The following SGCZ variants were observed in gnomAD, a reference collection of about 807,000 sequenced individuals.
SGCZ encodes sarcoglycan zeta, also known as zeta-sarcoglycan.
In SGCZ, 40 loss-of-function variants were observed where a neutral mutation model predicts 41.3. The ratio of observed to expected loss-of-function variants is 0.97; its 90% CI spans 0.75 to 1.26. SGCZ has a LOEUF of 1.26. Ranked by LOEUF, SGCZ falls within the 50% of genes most tolerant of loss-of-function variation. The pLI is 0.00. For missense variants in SGCZ, 552 were observed against 369.8 expected (o/e 1.49, Z -4.04); for synonymous variants, 206 against 137.5 (o/e 1.50, Z -3.49).
At chr8:14,583,260 T>G (rs1804953449) in intron 1 of SGCZ, among the ~76,000 whole-genome samples, 2 of 151,558 alleles carry the variant, frequency 1.3e-5, no homozygotes, top group Admixed American at 1.3e-4. Flanking sequence ...TGATGGCCAG[T>G]GATGGTGAGC....
chr8:14,587,169 T>G (rs571806971), intron 1 of SGCZ, among the ~76,000 whole-genome samples: 10 of 152,148 alleles, frequency 6.6e-5, no homozygotes, highest in South Asian at 2.1e-4. Context: ...CATATAAAAT[T>G]TCCTCATTAC....
intron 1 of SGCZ, among the ~76,000 whole-genome samples, chr8:14,560,520 TC>T (rs1804176892): frequency 6.6e-6 from 1 of 152,012 alleles, no homozygotes; most frequent in Non-Finnish European, 1.5e-5. Flanking sequence ...TAGGAGACCT[TC>T]CCCTTGTAGA....
intron 1 of SGCZ, among the ~76,000 whole-genome samples, chr8:14,610,017 C>T (rs1010578580): frequency 1.2e-4 from 18 of 152,158 alleles, no homozygotes; most frequent in African/African-American, 4.3e-4. Context: ...GAGATTTCAA[C>T]TGCTACGATC....
intron 1 of SGCZ, among the ~76,000 whole-genome samples, chr8:14,610,587 C>T (rs1805895735): frequency 6.6e-6 from 1 of 152,090 alleles, no homozygotes; most frequent in South Asian, 2.1e-4. Context: ...TATCTGATGT[C>T]ATCTTAATTC....
At chr8:14,991,749 T>A (rs902894340) in intron 1 of SGCZ, among the ~76,000 whole-genome samples, 5 of 150,950 alleles carry the variant, frequency 3.3e-5, no homozygotes, top group African/African-American at 1.2e-4. Context: ...CTCTCACCCA[T>A]CCTCCTCATC....
intron 2 of SGCZ, among the ~76,000 whole-genome samples, chr8:14,549,272 T>A (rs1803727382): frequency 6.6e-6 from 1 of 152,074 alleles, no homozygotes; most frequent in Non-Finnish European, 1.5e-5. Flanking sequence ...AAAACTATCT[T>A]ACCAAAGTGC....
chr8:14,267,260 T>C (rs1284553249), intron 3 of SGCZ, among the ~76,000 whole-genome samples: 2 of 152,056 alleles, frequency 1.3e-5, no homozygotes, highest in Admixed American at 6.6e-5. Flanking sequence ...TGAACAAGTA[T>C]TATATGTCAT....
At chr8:14,488,731 C>T (rs968697476) in intron 2 of SGCZ, among the ~76,000 whole-genome samples, 11 of 139,216 alleles carry the variant, frequency 7.9e-5, no homozygotes, top group Admixed American at 2.2e-4. Context: ...AGACTTCCCT[C>T]GCTAATGCAA....
At chr8:15,034,182 G>A (rs1319757064) in intron 1 of SGCZ, among the ~76,000 whole-genome samples, 2 of 152,092 alleles carry the variant, frequency 1.3e-5, no homozygotes, top group Non-Finnish European at 2.9e-5. Flanking sequence ...AGGAAGATCA[G>A]TAAACTTCAA....
chr8:14,993,920 G>C (rs1802114443), intron 1 of SGCZ, among the ~76,000 whole-genome samples: 1 of 152,128 alleles, frequency 6.6e-6, no homozygotes, highest in African/African-American at 2.4e-5. Context: ...TTAATGGTAT[G>C]ACTCTAGCTG....
rs766815127 is a variant in SGCZ at position 14,090,522 on chromosome 8, G to C, written c.860C>G (p.Pro287Arg). The change falls in exon 8 of 8, where the codon CCC becomes CGC. Residue 287 changes from proline (P) to arginine (R), a missense_variant. Physicochemically the swap from Pro to Arg is moderately radical, Grantham distance 103. Transcript: ENST00000382080. The part of the protein sequence containing the change: ...RQTVYELCVC[P>R]NGKLYLSPAG... Reference sequence around the variant, plus strand: ...TGGAGAAAGGTAAAGTTTGCCATTGGGGCAGACGCAGAGTTCATACACTGT... The same window carrying C: ...TGGAGAAAGGTAAAGTTTGCCATTGCGGCAGACGCAGAGTTCATACACTGT... 1.2e-6 allele frequency: 2 copies of C among 1,612,926 alleles called. No individual in the cohort carries two copies. The highest frequency in any genetic ancestry group is 8.5e-7 in the Non-Finnish European group (1 of 1,179,404).
intron 1 of SGCZ, among the ~76,000 whole-genome samples, chr8:15,032,760 T>G (rs1803723282): frequency 6.6e-6 from 1 of 152,040 alleles, no homozygotes; most frequent in South Asian, 2.1e-4. Context: ...GCCCCAGACG[T>G]CAGGCCTGCC....
At position 14,431,567 on chromosome 8, in the gene SGCZ, G is replaced by T. The variant is rs551199645; in HGVS notation, c.235-107363C>A. 2.1e-3 allele frequency among the ~76,000 whole-genome samples: 322 copies of T among 152,258 alleles called. 1 individual carries two copies. Among genetic ancestry groups the T allele is most frequent in the Non-Finnish European group, 3.4e-3 (234 of 68,012 alleles). ...AGATGGATCAAGAACTTCCATCTAA[G>T]ACTTGAAACTATAAAAATTCTAAAA... is the stretch of plus-strand genomic sequence containing the variant. On this transcript the variant is annotated intron_variant, in intron 2 of 7. Coordinates refer to ENST00000382080, the MANE Select transcript of SGCZ (RefSeq NM_139167.4).
chr8:14,955,833 C>T (rs1001935222), intron 1 of SGCZ, among the ~76,000 whole-genome samples: 6 of 151,986 alleles, frequency 3.9e-5, no homozygotes, highest in African/African-American at 7.2e-5. Context: ...CAAGAGCCCA[C>T]TTCTACTTTA....
intron 2 of SGCZ, among the ~76,000 whole-genome samples, chr8:14,522,970 CTT>C (rs1490275447): frequency 6.6e-6 from 1 of 151,614 alleles, no homozygotes; most frequent in African/African-American, 2.4e-5. Flanking sequence ...TAGTGCATCT[CTT>C]TGTATAATAT....
chr8:14,415,357 A>T (rs978763868), intron 2 of SGCZ, among the ~76,000 whole-genome samples: 1 of 151,888 alleles, frequency 6.6e-6, no homozygotes, highest in African/African-American at 2.4e-5. Flanking sequence ...TTCTCACTGT[A>T]AAAATTATAT....
At chr8:14,946,055 T>C (rs983162024) in intron 1 of SGCZ, among the ~76,000 whole-genome samples, 1 of 90,690 alleles carries the variant, frequency 1.1e-5, no homozygotes, top group African/African-American at 4.3e-5. Context: ...TATATATATA[T>C]GAATCATTCT....
intron 2 of SGCZ, among the ~76,000 whole-genome samples, chr8:14,352,910 T>G (rs1803154229): frequency 6.6e-6 from 1 of 152,078 alleles, no homozygotes; most frequent in Non-Finnish European, 1.5e-5. Context: ...CTAATTGATC[T>G]CTGCATACAT....
intron 1 of SGCZ, among the ~76,000 whole-genome samples, chr8:14,922,923 G>C (rs1485227025): frequency 6.6e-6 from 1 of 152,130 alleles, no homozygotes; most frequent in African/African-American, 2.4e-5. Context: ...AACCACAGAG[G>C]AAGACATTTT....
Sources: gnomAD v4.1 joint callset for allele counts (sites outside exome capture counted in the v4.1 genomes callset) on GRCh38, gnomAD v4.1.1 for gene constraint, MANE v1.5 for transcripts, NCBI Gene and HGNC (gene_info 2026-07-23, HGNC 2026-07-21) for gene names.